The following CMIP variants were observed in gnomAD, a reference collection of about 807,000 sequenced individuals.
The protein encoded by CMIP is C-Maf-inducing protein.
In CMIP, 13 loss-of-function variants were observed where a neutral mutation model predicts 97.3. The observed-to-expected ratio is 0.13, with a 90% confidence interval of 0.09 to 0.21. The LOEUF (loss-of-function observed/expected upper bound fraction) is 0.21, where lower values mean the gene tolerates loss of function less well. Ranked by LOEUF, CMIP falls within the 10% of genes least tolerant of loss-of-function variation. The pLI is 1.00. For missense variants in CMIP, 847 were observed against 1,024.9 expected, an observed-to-expected ratio of 0.83 and a Z score of 2.37; for synonymous variants, 538 against 436.3, an observed-to-expected ratio of 1.23 and a Z score of -2.91.
chr16:81,564,238 T>C (rs1347792891), intron 1 of CMIP, among the ~76,000 whole-genome samples: 1 of 152,160 alleles, frequency 6.6e-6, no homozygotes, highest in Non-Finnish European at 1.5e-5. Flanking sequence ...GTGCTGAGAA[T>C]AGACATTTTT....
intron 1 of CMIP, among the ~76,000 whole-genome samples, chr16:81,508,842 C>T (rs1165614186): frequency 6.6e-6 from 1 of 152,116 alleles, no homozygotes; most frequent in African/African-American, 2.4e-5. Context: ...GTCTCAGGGC[C>T]CCTTCTGATG....
intron 13 of CMIP, 41 bp downstream of exon 13, chr16:81,693,528 G>T (rs1343097404): frequency 6.3e-7 from 1 of 1,594,020 alleles, no homozygotes; most frequent in Non-Finnish European, 8.6e-7. Flanking sequence ...GCTGTCTGGG[G>T]ATGGCAGGAT....
chr16:81,689,762 T>C (rs1432342229), intron 10 of CMIP, among the ~76,000 whole-genome samples: 2 of 152,256 alleles, frequency 1.3e-5, no homozygotes, highest in African/African-American at 4.8e-5. Flanking sequence ...TGCCTAGGTT[T>C]TCTTCTAGGG....
Position 81,532,940 on chromosome 16 carries a change from G to T in CMIP, c.301-74627G>T, listed in dbSNP as rs558100973. Among the ~76,000 whole-genome samples, 4 of 152,244 alleles carry T rather than the reference G, an allele frequency of 2.6e-5. No homozygotes were observed. The South Asian group carries it at 8.3e-4, about 32-fold the overall frequency. On this transcript the variant is annotated intron_variant, in intron 1 of 20. Coordinates refer to ENST00000537098, the MANE Select transcript of CMIP (RefSeq NM_198390.3). Reference sequence around the variant, plus strand: ...TCCTTGGACACGCCAAGCCTGCTGTGCCTCGAGGCCTTTGCCCTGACTGCT... The same window carrying T: ...TCCTTGGACACGCCAAGCCTGCTGTTCCTCGAGGCCTTTGCCCTGACTGCT...
rs189031109 is a variant in CMIP at position 81,624,597 on chromosome 16, C to T, written c.477+3671C>T. Among the ~76,000 whole-genome samples the T allele has an allele frequency of 1.5e-3, 234 of 152,296 alleles. 3 individuals are homozygous for T. The highest frequency in any genetic ancestry group is 5.4e-3 in the African/African-American group (226 of 41,552). On this transcript the variant is annotated intron_variant, in intron 3 of 20. Coordinates refer to ENST00000537098, the MANE Select transcript of CMIP (RefSeq NM_198390.3). ...CCATTCCCAACAGGGGCAGCATCAC[C>T]CCTAATGGGACCAAAATTGGTTCCT...
intron 1 of CMIP, among the ~76,000 whole-genome samples, chr16:81,454,467 G>C (rs574760518): frequency 6.6e-6 from 1 of 152,340 alleles, no homozygotes; most frequent in East Asian, 1.9e-4. Flanking sequence ...GAGCTTTTCA[G>C]TTTAGTGTTT....
chr16:81,693,179 C>T lies in CMIP; in HGVS notation c.1476C>T (p.Phe492=). ...GCAGAGCTCTCGCACATGAGAAGTT[C>T]ACCAAGTGAGTGTCTGGGCACCGCC... ...FPKEALAHEK[F]TKELKYVIQR... Residue 492 remains phenylalanine, a synonymous_variant, in exon 12 of 21, where the codon TTC becomes TTT. Coordinates refer to ENST00000537098, the MANE Select transcript of CMIP (RefSeq NM_198390.3). The T allele has an allele frequency of 6.2e-7, 1 of 1,612,894 alleles. No homozygotes were observed. The highest frequency in any genetic ancestry group is 8.5e-7 in the Non-Finnish European group (1 of 1,179,072).
At chr16:81,588,953 G>A (rs2091425605) in intron 1 of CMIP, among the ~76,000 whole-genome samples, 1 of 152,132 alleles carries the variant, frequency 6.6e-6, no homozygotes, top group African/African-American at 2.4e-5. Context: ...GTAAGAGGCA[G>A]AGCTGAGATA....
At chr16:81,620,808 G>C (rs943781324) in intron 2 of CMIP, 68 bp from the exon 3 acceptor site, 14 of 1,590,930 alleles carry the variant, frequency 8.8e-6, no homozygotes, top group Non-Finnish European at 1.1e-5. Context: ...TCACATGCTG[G>C]CCTTGAAATG....
chr16:81,529,567 GA>G (rs2090193991), intron 1 of CMIP, among the ~76,000 whole-genome samples: 1 of 152,232 alleles, frequency 6.6e-6, no homozygotes, highest in Non-Finnish European at 1.5e-5. Flanking sequence ...CCTGCAGGAT[GA>G]AGAGGATTCC....
Position 81,691,824 on chromosome 16 carries a change from A to G in CMIP, c.1438A>G (p.Ile480Val). The change falls in exon 11 of 21, where the codon ATT (isoleucine) becomes GTT (valine). Residue 480 changes from isoleucine to valine, a missense_variant. Transcript: ENST00000537098. ...GTCTCTGGCCAGTTTGCTTCAACCC[A>G]TTCCATTCCCCAAAGAGTAAGTCCC... The part of the protein sequence containing the change: ...RPSLASLLQP[I>V]PFPKEALAHE... The G allele has an allele frequency of 6.2e-7, 1 of 1,613,748 alleles. No individual in the cohort carries two copies. Among genetic ancestry groups the G allele is most frequent in the South Asian group, 1.1e-5 (1 of 91,050 alleles).
At chr16:81,633,841 C>G (rs1375947370) in intron 3 of CMIP, among the ~76,000 whole-genome samples, 2 of 152,218 alleles carry the variant, frequency 1.3e-5, no homozygotes, top group African/African-American at 4.8e-5. Flanking sequence ...AGAAAGCACA[C>G]CCCAGAGGTC....
At chr16:81,564,944 G>T (rs1406123492) in intron 1 of CMIP, among the ~76,000 whole-genome samples, 1 of 152,008 alleles carries the variant, frequency 6.6e-6, no homozygotes, top group African/African-American at 2.4e-5. Flanking sequence ...ATGCAGGTGG[G>T]AGGCATGAAC....
intron 1 of CMIP, among the ~76,000 whole-genome samples, chr16:81,558,567 A>G (rs745762950): frequency 1.3e-5 from 2 of 152,186 alleles, no homozygotes; most frequent in Non-Finnish European, 2.9e-5. Context: ...CCTAGCCCCA[A>G]ATGTCAACAG....
At chr16:81,477,893 G>A (rs1239040582) in intron 1 of CMIP, among the ~76,000 whole-genome samples, 1 of 152,234 alleles carries the variant, frequency 6.6e-6, no homozygotes, top group African/African-American at 2.4e-5. Context: ...AGTGGGAGTG[G>A]CAGGGGAGTG....
intron 3 of CMIP, among the ~76,000 whole-genome samples, chr16:81,624,051 T>A (rs1289140335): frequency 6.6e-6 from 1 of 152,134 alleles, no homozygotes; most frequent in Non-Finnish European, 1.5e-5. Context: ...TCTCCCCTCT[T>A]TATTTACAAC....
intron 1 of CMIP, among the ~76,000 whole-genome samples, chr16:81,574,168 T>C (rs947670472): frequency 6.6e-6 from 1 of 152,248 alleles, no homozygotes; most frequent in Non-Finnish European, 1.5e-5. Flanking sequence ...TAGTACGTTC[T>C]GTTGGGCCGC....
At chr16:81,546,962 C>T (rs1419270562) in intron 1 of CMIP, among the ~76,000 whole-genome samples, 2 of 152,164 alleles carry the variant, frequency 1.3e-5, no homozygotes, top group Admixed American at 6.5e-5. Flanking sequence ...CGAGAGCTCC[C>T]TGGATGGTGC....
intron 1 of CMIP, among the ~76,000 whole-genome samples, chr16:81,513,941 A>G (rs917913983): frequency 2.0e-5 from 3 of 152,118 alleles, no homozygotes; most frequent in Non-Finnish European, 2.9e-5. Flanking sequence ...GCCCAGTGCA[A>G]TCCTGGGGCT....
Sources: allele counts gnomAD v4.1 joint callset (sites outside exome capture counted in the v4.1 genomes callset), GRCh38; gene constraint gnomAD v4.1.1; transcripts MANE v1.5; gene names NCBI Gene and HGNC (gene_info 2026-07-23, HGNC 2026-07-21).